The following KITLG variants were observed in gnomAD, a reference collection of about 807,000 sequenced individuals.
The protein encoded by KITLG is KIT ligand, also known as c-Kit ligand.
A neutral mutation model predicts 34.1 loss-of-function variants in KITLG; 13 were observed. The observed-to-expected ratio is 0.38, with a 90% CI of 0.25 to 0.61. The LOEUF (loss-of-function observed/expected upper bound fraction) is 0.61, where lower values mean the gene tolerates loss of function less well. Among genes scored for constraint, KITLG ranks in the 20% least tolerant of loss-of-function variants. The pLI, the probability that KITLG is intolerant of heterozygous loss-of-function variation, is 0.60. For missense variants in KITLG, 292 were observed against 318.9 expected (o/e 0.92, Z 0.64); for synonymous variants, 110 against 104.0 (o/e 1.06, Z -0.35).
intron 3 of KITLG, among the ~76,000 whole-genome samples, chr12:88,527,540 C>T (rs11104925): frequency 0.085 from 12,941 of 152,146 alleles, 582 homozygotes; most frequent in Non-Finnish European, 0.1. Context: ...AAAGTCTGAA[C>T]GAAAAACTGA....
At chr12:88,544,599 C>A (rs973182872) in intron 2 of KITLG, among the ~76,000 whole-genome samples, 2 of 151,966 alleles carry the variant, frequency 1.3e-5, no homozygotes, top group African/African-American at 4.8e-5. Context: ...CATGGCTTTG[C>A]TCACAGTTCC....
At chr12:88,506,587 G>A (rs1204628671) in intron 7 of KITLG, among the ~76,000 whole-genome samples, 1 of 152,184 alleles carries the variant, frequency 6.6e-6, no homozygotes, top group Non-Finnish European at 1.5e-5. Context: ...GGGGGCTAAA[G>A]AGTAATAAAG....
chr12:88,522,255 T>G (rs1869694782), intron 3 of KITLG, among the ~76,000 whole-genome samples: 1 of 152,082 alleles, frequency 6.6e-6, no homozygotes, highest in Non-Finnish European at 1.5e-5. Context: ...CCAGAACCAG[T>G]AAATTTGAGA....
At chr12:88,536,170 T>G (rs1437343138) in intron 2 of KITLG, among the ~76,000 whole-genome samples, 1 of 152,010 alleles carries the variant, frequency 6.6e-6, no homozygotes, top group Non-Finnish European at 1.5e-5. Context: ...AGATCTAATA[T>G]CCAGAATCTA....
chr12:88,565,836 G>A (rs1426713295), intron 1 of KITLG, among the ~76,000 whole-genome samples: 2 of 152,192 alleles, frequency 1.3e-5, no homozygotes, highest in Admixed American at 6.5e-5. Flanking sequence ...CAGGTGGGGA[G>A]AATCAGGAGA....
intron 2 of KITLG, among the ~76,000 whole-genome samples, chr12:88,539,852 G>C (rs1207676580): frequency 6.6e-6 from 1 of 151,994 alleles, no homozygotes; most frequent in Non-Finnish European, 1.5e-5. Context: ...TTGAGCCCAG[G>C]AGTTTGAGGC....
intron 2 of KITLG, among the ~76,000 whole-genome samples, chr12:88,542,584 A>G (rs1870555447): frequency 6.6e-6 from 1 of 152,088 alleles, no homozygotes; most frequent in Non-Finnish European, 1.5e-5. Context: ...AAATGAAATT[A>G]GTAAGTTAGG....
chr12:88,544,074 C>G (rs1176048805), intron 2 of KITLG, among the ~76,000 whole-genome samples: 1 of 152,112 alleles, frequency 6.6e-6, no homozygotes, highest in Admixed American at 6.6e-5. Context: ...TACTACCATC[C>G]TACTTCCAGT....
chr12:88,502,707 T>C (rs1274322157), intron 9 of KITLG, among the ~76,000 whole-genome samples: 1 of 152,194 alleles, frequency 6.6e-6, no homozygotes, highest in East Asian at 1.9e-4. Flanking sequence ...CCAAATGTCA[T>C]GGGACGAATG....
At chr12:88,561,391 T>C (rs1362300754) in intron 1 of KITLG, among the ~76,000 whole-genome samples, 1 of 152,164 alleles carries the variant, frequency 6.6e-6, no homozygotes, top group East Asian at 1.9e-4. Context: ...CCTTGATTCT[T>C]CCCAGTCCCC....
chr12:88,515,567 T>C lies in KITLG; in HGVS notation c.571A>G (p.Ser191Gly). ...CTACTGCTGTCATTCCTAAGGGAGC[T>C]GGCTGCAACAGGGGGTAACATAAAT... ...KPFMLPPVAA[S>G]SLRNDSSSSN... Residue 191 changes from serine to glycine, a missense_variant, in exon 6 of 10, where the codon AGC becomes GGC. Coordinates refer to ENST00000644744, the MANE Select transcript of KITLG (RefSeq NM_000899.5). 1 of 1,611,104 alleles carries C rather than the reference T, an allele frequency of 6.2e-7. No homozygotes were observed. Among genetic ancestry groups the C allele is most frequent in the Non-Finnish European group, 8.5e-7 (1 of 1,177,726 alleles).
In KITLG at chr12:88,494,034, G is replaced by T. The variant is rs760025267; in HGVS notation, c.*3185C>A. 1.3e-5 allele frequency: 2 copies of T among 151,788 alleles called. No individual in the cohort carries two copies. Among genetic ancestry groups the T allele is most frequent in the Non-Finnish European group, 2.9e-5 (2 of 67,810 alleles). 9.4% of individuals were successfully genotyped at this position (151,788 alleles called of 1,614,324 possible). A position where few individuals can be genotyped will look rare whatever the true frequency, so the allele number is the denominator to read the frequency against. On this transcript the variant is annotated 3_prime_UTR_variant, in exon 10 of 10. Coordinates refer to ENST00000644744, the MANE Select transcript of KITLG (RefSeq NM_000899.5). ...TATGGGTTAGTTTCAATGCTATTTT[G>T]TCTTCTTTGTCGGTCATATTGCAAT... is the stretch of plus-strand genomic sequence containing the variant.
At chr12:88,533,830 AT>A (rs1392901213) in intron 2 of KITLG, among the ~76,000 whole-genome samples, 1 of 152,056 alleles carries the variant, frequency 6.6e-6, no homozygotes, top group Non-Finnish European at 1.5e-5. Flanking sequence ...TCTGAGAACA[AT>A]TTATTGATAA....
At chr12:88,518,568 T>G in intron 4 of KITLG, 129 bp downstream of exon 4, 1 of 733,874 alleles carries the variant, frequency 1.4e-6, no homozygotes, top group Middle Eastern at 2.4e-4. Flanking sequence ...CTGAACAAGA[T>G]TTTTAAATTT....
chr12:88,519,123 A>G lies in KITLG; in HGVS notation c.193-256T>C, dbSNP rs569738779. 1.1e-4 allele frequency among the ~76,000 whole-genome samples: 17 copies of G among 152,156 alleles called. No individual in the cohort carries two copies. The South Asian group carries it at 2.9e-3, about 26-fold the overall frequency. ...ATGATCCACCCGTCTCAGCTTCCCA[A>G]TGTGCTGGGATTACAAGCATGAACC... On this transcript the variant is annotated intron_variant, in intron 3 of 9. Transcript: ENST00000644744.
intron 6 of KITLG, among the ~76,000 whole-genome samples, chr12:88,513,003 A>G (rs184537575): frequency 3.7e-4 from 56 of 151,982 alleles, no homozygotes; most frequent in African/African-American, 4.8e-4. Flanking sequence ...AAAAGACAAT[A>G]TATTTCTTCT....
intron 6 of KITLG, 132 bp downstream of exon 6, chr12:88,515,402 C>A (rs926222170): frequency 3.2e-6 from 2 of 628,394 alleles, no homozygotes. Context: ...CTCAAGAAGA[C>A]CATAAAAGGA....
intron 1 of KITLG, among the ~76,000 whole-genome samples, chr12:88,553,097 CAA>C (rs1330565528): frequency 6.7e-6 from 1 of 149,832 alleles, no homozygotes; most frequent in East Asian, 2.0e-4. Flanking sequence ...CTCCCATATA[CAA>C]AGAGTATGAC....
rs928591941 is a variant in KITLG at position 88,552,274 on chromosome 12, A to G, written c.16-6409T>C. 5.3e-5 allele frequency among the ~76,000 whole-genome samples: 8 copies of G among 150,862 alleles called. 1 individual carries two copies. Among genetic ancestry groups the G allele is most frequent in the Middle Eastern group, 6.8e-3 (2 of 294 alleles). On this transcript the variant is annotated intron_variant, in intron 1 of 9. Coordinates refer to ENST00000644744, the MANE Select transcript of KITLG (RefSeq NM_000899.5). ...ACTGCAACCTCCGCCTCCCAGATTC[A>G]AGTGATTCTCCTGCCTCAGCCTCCC...
Sources: gnomAD v4.1 joint callset for allele counts (sites outside exome capture counted in the v4.1 genomes callset) on GRCh38, gnomAD v4.1.1 for gene constraint, MANE v1.5 for transcripts, NCBI Gene and HGNC (gene_info 2026-07-23, HGNC 2026-07-21) for gene names.